The following RFTN2 variants were observed in gnomAD, a reference collection of about 807,000 sequenced individuals.
The protein encoded by RFTN2 is raftlin-2.
A neutral mutation model predicts 52.7 loss-of-function variants in RFTN2; 34 were observed. The observed-to-expected ratio is 0.64, with a 90% CI of 0.49 to 0.86. RFTN2 has a LOEUF of 0.86. Ranked by LOEUF, RFTN2 falls within the 40% of genes least tolerant of loss-of-function variation. RFTN2 has a pLI of 0.00. For synonymous variants in RFTN2, 203 were observed against 217.7 expected (o/e 0.93, Z 0.59); for missense variants, 536 against 600.1 (o/e 0.89, Z 1.12).
In RFTN2 at chr2:197,568,773, G is replaced by A. The variant is rs2087272133; in HGVS notation, c.*3235C>T. ...GGCCACAGTCCTTCCAGCCAAGAAG[G>A]AATGGTGGTGAGGAATCAATAACAG... On this transcript the variant is annotated 3_prime_UTR_variant, in exon 9 of 9. Transcript: ENST00000295049. 1 of 152,190 alleles carries A rather than the reference G, an allele frequency of 6.6e-6. No homozygotes were observed. Among genetic ancestry groups the A allele is most frequent in the Non-Finnish European group, 1.5e-5 (1 of 68,042 alleles). 9.4% of individuals were successfully genotyped at this position (152,190 alleles called of 1,614,324 possible).
Position 197,571,897 on chromosome 2 carries a change from C to G in RFTN2, c.*111G>C. On this transcript the variant is annotated 3_prime_UTR_variant, in exon 9 of 9. Transcript: ENST00000295049. ...ACATAGATTAGAGGAAAGGCTGGGT[C>G]TGGAAAAATTCAAAAATATTACATA... 5 of 1,133,532 alleles carry G rather than the reference C, an allele frequency of 4.4e-6. No homozygotes were observed. In the South Asian group the frequency reaches 6.2e-5, roughly 14 times the overall value. The allele number at this position is 1,133,532 out of a possible 1,614,324, so 70.2% of individuals were successfully genotyped here. A position where few individuals can be genotyped will look rare whatever the true frequency, so the allele number is the denominator to read the frequency against.
At position 197,600,661 on chromosome 2, in the gene RFTN2, T is replaced by C. The variant is rs371509673; in HGVS notation, c.1155-4592A>G. ...TTTTCCCTTAGCAAACTGGTGGTCA[T>C]TATGGCACCTGAGAGGATGTTTCAA... On this transcript the variant is annotated intron_variant, in intron 7 of 8. Coordinates refer to ENST00000295049, the MANE Select transcript of RFTN2 (RefSeq NM_144629.3). Among the ~76,000 whole-genome samples the C allele has an allele frequency of 4.6e-5, 7 of 152,308 alleles. No homozygotes were observed. In the South Asian group the frequency reaches 1.2e-3, roughly 27 times the overall value.
intron 8 of RFTN2, among the ~76,000 whole-genome samples, chr2:197,572,537 T>C (rs541537392): frequency 2.0e-5 from 3 of 152,356 alleles, no homozygotes; most frequent in Non-Finnish European, 4.4e-5. Flanking sequence ...GGGTATGTTA[T>C]GTACACATCT....
At chr2:197,612,461 C>T (rs2088079377) in intron 7 of RFTN2, among the ~76,000 whole-genome samples, 1 of 152,220 alleles carries the variant, frequency 6.6e-6, no homozygotes, top group Non-Finnish European at 1.5e-5. Flanking sequence ...GCTCCTCCTT[C>T]TCCTTTATTT....
In RFTN2 at chr2:197,633,833, C is replaced by G. The variant is rs747139876; in HGVS notation, c.603G>C (p.Thr201=). The change falls in exon 4 of 9, where the codon ACG becomes ACC. Residue 201 remains threonine, a synonymous_variant. Transcript: ENST00000295049. ...CGCTTTCAGATGACTGCCCACTTAACGTCCCTTCATTCCAACTTCTACAGT... is the reference window on the plus strand; with the variant it reads ...CGCTTTCAGATGACTGCCCACTTAAGGTCCCTTCATTCCAACTTCTACAGT... ...DENCRSWNEG[T]LSGQSSESGI... is the part of the protein sequence containing the mutation. 2 of 1,613,894 alleles carry G rather than the reference C, an allele frequency of 1.2e-6. No homozygotes were observed. The highest frequency in any genetic ancestry group is 1.3e-5 in the African/African-American group (1 of 75,026).
intron 1 of RFTN2, among the ~76,000 whole-genome samples, chr2:197,665,031 T>C (rs1340856741): frequency 6.6e-6 from 1 of 152,010 alleles, no homozygotes; most frequent in Non-Finnish European, 1.5e-5. Flanking sequence ...GATTGAAAAA[T>C]TAACTGTTGG....
chr2:197,674,750 G>C (rs1309228166), intron 1 of RFTN2, among the ~76,000 whole-genome samples: 1 of 151,396 alleles, frequency 6.6e-6, no homozygotes, highest in Non-Finnish European at 1.5e-5. Flanking sequence ...CTCTGTTAGG[G>C]ACAGGGCACT....
At chr2:197,599,633 T>A (rs1345815357) in intron 7 of RFTN2, among the ~76,000 whole-genome samples, 1 of 152,218 alleles carries the variant, frequency 6.6e-6, no homozygotes, top group Non-Finnish European at 1.5e-5. Flanking sequence ...GATCCTGGGT[T>A]GAGAATCATT....
rs574292997 is a variant in RFTN2 at position 197,585,728 on chromosome 2, C to T, written c.1233+10263G>A. 3.9e-5 allele frequency among the ~76,000 whole-genome samples: 6 copies of T among 152,254 alleles called. No homozygotes were observed. In the East Asian group the frequency reaches 7.7e-4, roughly 20 times the overall value. On this transcript the variant is annotated intron_variant, in intron 8 of 8. Transcript: ENST00000295049. The stretch of plus-strand genomic sequence containing the variant: ...CAGACTGGGCAACATCTCCTGTCTC[C>T]CTACACCTCCGAACTTCCTTTAACA...
intron 5 of RFTN2, among the ~76,000 whole-genome samples, chr2:197,626,789 T>G (rs1293108569): frequency 6.6e-6 from 1 of 151,694 alleles, no homozygotes; most frequent in Non-Finnish European, 1.5e-5. Flanking sequence ...CAGCACATTT[T>G]TTGTATTTTT....
intron 3 of RFTN2, among the ~76,000 whole-genome samples, chr2:197,640,646 G>C (rs915641454): frequency 5.9e-5 from 9 of 151,554 alleles, no homozygotes; most frequent in African/African-American, 2.2e-4. Flanking sequence ...GCACTCCCTA[G>C]TGAGATGAAC....
intron 8 of RFTN2, among the ~76,000 whole-genome samples, chr2:197,590,887 A>G (rs376667728): frequency 6.6e-5 from 10 of 152,318 alleles, no homozygotes; most frequent in African/African-American, 2.4e-4. Context: ...AAGAGGGAGC[A>G]GCAGCACAAT....
intron 7 of RFTN2, among the ~76,000 whole-genome samples, chr2:197,613,359 A>G (rs984837295): frequency 1.3e-5 from 2 of 152,210 alleles, no homozygotes; most frequent in African/African-American, 4.8e-5. Context: ...AATTTTTCAG[A>G]TAAGGAAATT....
intron 7 of RFTN2, among the ~76,000 whole-genome samples, chr2:197,600,476 T>C (rs1228382384): frequency 6.6e-6 from 1 of 152,204 alleles, no homozygotes; most frequent in Non-Finnish European, 1.5e-5. Flanking sequence ...TGTGAGACCA[T>C]GTGGAACTTG....
chr2:197,578,601 A>AC (rs2087456621), intron 8 of RFTN2, among the ~76,000 whole-genome samples: 1 of 151,922 alleles, frequency 6.6e-6, no homozygotes, highest in South Asian at 2.1e-4. Flanking sequence ...CCAGAGAACA[A>AC]CCCCCTTTGA....
intron 7 of RFTN2, among the ~76,000 whole-genome samples, chr2:197,599,399 T>C (rs1036604087): frequency 6.6e-6 from 1 of 152,220 alleles, no homozygotes; most frequent in African/African-American, 2.4e-5. Flanking sequence ...GAATTTGGAA[T>C]GTGGGCGAGG....
intron 8 of RFTN2, among the ~76,000 whole-genome samples, chr2:197,574,836 C>G (rs1371732444): frequency 6.6e-6 from 1 of 152,070 alleles, no homozygotes; most frequent in African/African-American, 2.4e-5. Flanking sequence ...CCAATGCACT[C>G]TAGCCTGGGC....
In RFTN2 at chr2:197,591,464, A is replaced by C. The variant is rs1028300054; in HGVS notation, c.1233+4527T>G. On this transcript the variant is annotated intron_variant, in intron 8 of 8. Transcript: ENST00000295049. Reference sequence around the variant, plus strand: ...AGACATAAAGGTTCTGCAAGTCCCCACCAGACTCAGGAGCTCAGCTGGCTT... The same window carrying C: ...AGACATAAAGGTTCTGCAAGTCCCCCCCAGACTCAGGAGCTCAGCTGGCTT... 2.6e-5 allele frequency among the ~76,000 whole-genome samples: 4 copies of C among 152,282 alleles called. No individual in the cohort carries two copies. The East Asian group carries it at 7.7e-4, about 29-fold the overall frequency.
At chr2:197,649,277 TA>T (rs1443927849) in intron 1 of RFTN2, among the ~76,000 whole-genome samples, 2 of 152,100 alleles carry the variant, frequency 1.3e-5, no homozygotes, top group Admixed American at 1.3e-4. Flanking sequence ...TCCAAATAAA[TA>T]GAGGTAAAGG....
Sources: allele counts gnomAD v4.1 joint callset (sites outside exome capture counted in the v4.1 genomes callset), GRCh38; gene constraint gnomAD v4.1.1; transcripts MANE v1.5; gene names NCBI Gene and HGNC (gene_info 2026-07-23, HGNC 2026-07-21).